ZFHX3: variants seen among roughly 807,000 people sequenced by gnomAD.
ZFHX3 encodes the protein zinc finger homeobox 3, also known as zinc finger homeobox protein 3.
In ZFHX3, 42 loss-of-function variants were observed where a neutral mutation model predicts 279.1. The observed-to-expected ratio is 0.15, with a 90% CI of 0.12 to 0.19. The LOEUF (loss-of-function observed/expected upper bound fraction) is 0.19, where lower values mean the gene tolerates loss of function less well. Ranked by LOEUF, ZFHX3 falls within the 10% of genes least tolerant of loss-of-function variation. The probability of loss-of-function intolerance (pLI) is 1.00; values close to 1 mark genes in which losing one functional copy is unlikely to be tolerated. For missense variants in ZFHX3, 4,981 were observed against 4,754.0 expected (o/e 1.05, Z -1.40); for synonymous variants, 2,293 against 1,957.8 (o/e 1.17, Z -4.52).
At chr16:73,878,860 A>G (rs1273690259) in intron 1 of ZFHX3, among the ~76,000 whole-genome samples, 1 of 151,796 alleles carries the variant, frequency 6.6e-6, no homozygotes, top group Non-Finnish European at 1.5e-5. Context: ...CACTTGAAAC[A>G]GCAGAGCTAG....
At chr16:73,841,566 C>A (rs1961309864) in intron 1 of ZFHX3, among the ~76,000 whole-genome samples, 1 of 152,104 alleles carries the variant, frequency 6.6e-6, no homozygotes, top group South Asian at 2.1e-4. Context: ...AGCAACCAGG[C>A]AGATACAGGA....
chr16:73,186,932 C>A (rs899202177), intron 5 of ZFHX3, among the ~76,000 whole-genome samples: 1 of 152,154 alleles, frequency 6.6e-6, no homozygotes, highest in South Asian at 2.1e-4. Context: ...TGTACAGATA[C>A]TACTGAAACG....
At chr16:73,537,425 G>C (rs768397654) in intron 2 of ZFHX3, among the ~76,000 whole-genome samples, 1 of 142,318 alleles carries the variant, frequency 7.0e-6, no homozygotes, top group Non-Finnish European at 1.5e-5. Context: ...CAAGTGATTC[G>C]CCTGTCTCAG....
Position 72,797,031 on chromosome 16 carries a change from T to C in ZFHX3, c.5651A>G (p.Glu1884Gly). 6.2e-7 allele frequency: 1 copy of C among 1,614,112 alleles called. No individual in the cohort carries two copies. The highest frequency in any genetic ancestry group is 2.2e-5 in the East Asian group (1 of 44,858). Residue 1884 changes from glutamate (E) to glycine (G), a missense_variant, in exon 9 of 10, where the codon GAA becomes GGA. This residue lies in a region of ZFHX3 where 1,751 missense variants were observed against 1,770.0 expected (regional missense o/e 0.99). Transcript: ENST00000268489. ...CTCTCTCTGGCTTTCTTTTTCCTTTTCTTTGATGACCAATTTGTTCTTCTT... is the reference window on the plus strand; with the variant it reads ...CTCTCTCTGGCTTTCTTTTTCCTTTCCTTTGATGACCAATTTGTTCTTCTT... ...PEKKNKLVIK[E>G]KEKESQRERD...
intron 5 of ZFHX3, among the ~76,000 whole-genome samples, chr16:73,168,495 G>A (rs905665951): frequency 7.2e-5 from 11 of 152,010 alleles, no homozygotes; most frequent in Non-Finnish European, 1.6e-4. Flanking sequence ...GCCTCAAGCA[G>A]GTCTCCTACC....
At chr16:73,486,386 A>C (rs2018974278) in intron 2 of ZFHX3, among the ~76,000 whole-genome samples, 1 of 152,192 alleles carries the variant, frequency 6.6e-6, no homozygotes, top group African/African-American at 2.4e-5. Flanking sequence ...TGTGGAGTGT[A>C]CTTTCCTTTT....
intron 3 of ZFHX3, among the ~76,000 whole-genome samples, chr16:72,922,645 G>A (rs4788679): frequency 0.13 from 19,821 of 152,168 alleles, 1,737 homozygotes; most frequent in Non-Finnish European, 0.2. Flanking sequence ...TGGAACGACC[G>A]TCACTCCCAG....
At chr16:73,484,822 T>A (rs2143634856) in intron 2 of ZFHX3, among the ~76,000 whole-genome samples, 1 of 152,332 alleles carries the variant, frequency 6.6e-6, no homozygotes, top group African/African-American at 2.4e-5. Context: ...CATAGGAACA[T>A]CTCATGCATG....
intron 5 of ZFHX3, among the ~76,000 whole-genome samples, chr16:72,827,341 C>T (rs1429219575): frequency 3.3e-5 from 5 of 152,168 alleles, no homozygotes; most frequent in Admixed American, 3.3e-4. Context: ...CGGAGCTTCC[C>T]ATAGTCAAAT....
intron 2 of ZFHX3, among the ~76,000 whole-genome samples, chr16:73,466,778 G>A (rs549432551): frequency 6.6e-6 from 1 of 152,112 alleles, no homozygotes; most frequent in Non-Finnish European, 1.5e-5. Context: ...CTAATCCTGA[G>A]TAGATATCTC....
chr16:73,618,044 A>T (rs564616534), intron 2 of ZFHX3, among the ~76,000 whole-genome samples: 1 of 152,318 alleles, frequency 6.6e-6, no homozygotes, highest in African/African-American at 2.4e-5. Context: ...ATCTCTCATA[A>T]TGGAAAATCC....
intron 1 of ZFHX3, among the ~76,000 whole-genome samples, chr16:73,053,438 CTGA>C (rs1965485613): frequency 6.6e-6 from 1 of 152,008 alleles, no homozygotes; most frequent in Non-Finnish European, 1.5e-5. Context: ...AGATTTGCAA[CTGA>C]ATCAAAGTCT....
intron 1 of ZFHX3, among the ~76,000 whole-genome samples, chr16:72,995,851 C>T (rs1012487882): frequency 4.6e-5 from 7 of 152,142 alleles, no homozygotes; most frequent in African/African-American, 1.7e-4. Flanking sequence ...GAGAACAGCG[C>T]CAATTGAAAA....
At chr16:72,803,091 G>A (rs1276534832) in intron 7 of ZFHX3, among the ~76,000 whole-genome samples, 1 of 152,194 alleles carries the variant, frequency 6.6e-6, no homozygotes, top group Non-Finnish European at 1.5e-5. Context: ...CAGCACTTTG[G>A]GAGGCTGAGG....
chr16:73,081,830 C>T (rs1965949311), intron 8 of ZFHX3, among the ~76,000 whole-genome samples: 2 of 150,832 alleles, frequency 1.3e-5, no homozygotes, highest in South Asian at 2.1e-4. Flanking sequence ...TGTTCTTGTC[C>T]ACATCTTTTT....
intron 7 of ZFHX3, among the ~76,000 whole-genome samples, chr16:72,802,235 C>G (rs931458541): frequency 6.6e-6 from 1 of 151,648 alleles, no homozygotes; most frequent in Non-Finnish European, 1.5e-5. Context: ...GACTTTTGCA[C>G]TTGAAAGGTT....
chr16:72,783,530 C>CTTTA lies in ZFHX3; in HGVS notation c.*3630_*3633dup, dbSNP rs530624571. ...GTTTAAACACATGCCGTCTGTTTTACTTTATTTTCAATTGTGTAAAACTTT... is the reference window on the plus strand; with the variant it reads ...GTTTAAACACATGCCGTCTGTTTTACTTTATTTATTTTCAATTGTGTAAAACTTT... On this transcript the variant is annotated 3_prime_UTR_variant, in exon 10 of 10. Transcript: ENST00000268489. 7.2e-5 allele frequency: 11 copies of CTTTA among 152,618 alleles called. No homozygotes were observed. Among genetic ancestry groups the CTTTA allele is most frequent in the Admixed American group, 5.2e-4 (8 of 15,290 alleles). The allele number at this position is 152,618 out of a possible 1,614,324, so 9.5% of individuals were successfully genotyped here. A position where few individuals can be genotyped will look rare whatever the true frequency, so the allele number is the denominator to read the frequency against.
intron 7 of ZFHX3, among the ~76,000 whole-genome samples, chr16:73,120,263 G>T (rs4788491): frequency 6.6e-6 from 1 of 151,690 alleles, no homozygotes; most frequent in African/African-American, 2.4e-5. Context: ...TTTTGTTGTT[G>T]TTGTTATTGT....
intron 2 of ZFHX3, among the ~76,000 whole-genome samples, chr16:73,468,362 G>A (rs373679556): frequency 1.4e-4 from 22 of 152,248 alleles, no homozygotes; most frequent in African/African-American, 3.9e-4. Context: ...ACTGACATAC[G>A]GGCTTAGTCA....
Sources: gnomAD v4.1 joint callset for allele counts (sites outside exome capture counted in the v4.1 genomes callset) on GRCh38, gnomAD v4.1.1 for gene constraint, gnomAD v4.1.1 regional missense constraint, MANE v1.5 for transcripts, NCBI Gene and HGNC (gene_info 2026-07-23, HGNC 2026-07-21) for gene names.